The following SURF2 variants were observed in gnomAD, a reference collection of about 807,000 sequenced individuals.
The protein encoded by SURF2 is surfeit locus protein 2.
SURF2 carries 32 observed loss-of-function variants against 26.2 expected under a neutral mutation model. That is an observed-to-expected ratio of 1.22 (90% CI 0.92 to 1.64). The LOEUF is 1.64. Ranked by LOEUF, SURF2 falls within the 40% of genes most tolerant of loss-of-function variation. The pLI, the probability that SURF2 is intolerant of heterozygous loss-of-function variation, is 0.00. For missense variants in SURF2, 415 were observed against 341.6 expected (o/e 1.21, Z -1.69); for synonymous variants, 173 against 139.1 (o/e 1.24, Z -1.71).
Position 133,357,714 on chromosome 9 carries a change from C to A in SURF2, c.237C>A (p.His79Gln), listed in dbSNP as rs782199749. The A allele has an allele frequency of 1.9e-6, 3 of 1,613,786 alleles. No individual in the cohort carries two copies. The highest frequency in any genetic ancestry group is 1.7e-5 in the Admixed American group (1 of 60,024). Residue 79 changes from histidine (H) to glutamine (Q), a missense_variant, in exon 3 of 6, where the codon CAC (histidine) becomes CAA (glutamine). Coordinates refer to ENST00000371964, the MANE Select transcript of SURF2 (RefSeq NM_017503.5). ...ATTTGGTCTCTCTGCTCTGTAGGCA[C>A]CAGTTGTTCTGCAAACTCACCCTGC... Reference protein sequence around the residue: ...PHIVPSTKNPHQLFCKLTLRH... With the variant: ...PHIVPSTKNPQQLFCKLTLRH...
At chr9:133,356,752 G>C (rs1836608405) in intron 1 of SURF2, 82 bp downstream of exon 1, 1 of 1,405,290 alleles carries the variant, frequency 7.1e-7, no homozygotes, top group Admixed American at 2.5e-5. Flanking sequence ...GGGGAGAGGA[G>C]AGGGCAGGGG....
At position 133,360,432 on chromosome 9, in the gene SURF2, A is replaced by G. The variant is rs1025016473; in HGVS notation, c.685A>G (p.Lys229Glu). Residue 229 changes from lysine (K) to glutamate (E), a missense_variant and splice_region_variant, in exon 5 of 6, where the codon AAG becomes GAG. By Grantham distance (56) the Lys-to-Glu change is moderately conservative. Transcript: ENST00000371964. ...CCGAGGGCTGGTCCAGAAGCGCGGG[A>G]AGGTGAGCTGTCACCTCCTCTGTTA... ...VYRGLVQKRG[K>E]KQLGSLKKKF... 5 of 1,605,050 alleles carry G rather than the reference A, an allele frequency of 3.1e-6. No individual in the cohort carries two copies. Among genetic ancestry groups the G allele is most frequent in the Non-Finnish European group, 4.2e-6 (5 of 1,178,118 alleles).
chr9:133,361,125 A>G lies in SURF2; in HGVS notation c.757A>G (p.Lys253Glu), dbSNP rs142772320. ...HRKPKSFSSC[K>E]QPG ...CAAACCCAAGAGCTTCAGCTCCTGT[A>G]AACAGCCAGGTTAATAAAAGCACAT... Residue 253 changes from lysine to glutamate, a missense_variant, in exon 6 of 6, where the codon AAA becomes GAA. By Grantham distance (56) the Lys-to-Glu change is moderately conservative. Coordinates refer to ENST00000371964, the MANE Select transcript of SURF2 (RefSeq NM_017503.5). 9 of 1,614,078 alleles carry G rather than the reference A, an allele frequency of 5.6e-6. No homozygotes were observed. The African/African-American group carries it at 6.7e-5, about 12-fold the overall frequency.
intron 2 of SURF2, chr9:133,357,280 G>A (rs1191496600): frequency 3.6e-6 from 2 of 562,726 alleles, no homozygotes; most frequent in South Asian, 2.7e-5. Context: ...GGGTGTGGCT[G>A]CTTCCCAGAT....
chr9:133,356,811 G>A lies in SURF2; in HGVS notation c.79-103G>A, dbSNP rs2130030455. 1.8e-4 allele frequency: 252 copies of A among 1,433,666 alleles called. 1 individual carries two copies. The highest frequency in any genetic ancestry group is 2.2e-4 in the Non-Finnish European group (244 of 1,086,912). The allele number at this position is 1,433,666 out of a possible 1,614,324, so 88.8% of individuals were successfully genotyped here. A position where few individuals can be genotyped will look rare whatever the true frequency, so the allele number is the denominator to read the frequency against. On this transcript the variant is annotated intron_variant, in intron 1 of 5. Transcript: ENST00000371964. ...GAGAGGGGAGGGCAGGGGAGAGGGC[G>A]CGGCGGGATCAGGGGAGGAGAGGGA...
In SURF2 at chr9:133,356,616, G is replaced by A; in HGVS notation, c.24G>A (p.Val8=). 1 of 1,525,842 alleles carries A rather than the reference G, an allele frequency of 6.6e-7. No individual in the cohort carries two copies. The allele number at this position is 1,525,842 out of a possible 1,614,324, so 94.5% of individuals were successfully genotyped here. Residue 8 remains valine (V), a synonymous_variant, in exon 1 of 6, where the codon GTG becomes GTA. Coordinates refer to ENST00000371964, the MANE Select transcript of SURF2 (RefSeq NM_017503.5). MSELPGD[V]RAFLREHPSL... Reference sequence around the variant, plus strand: ...CCATGAGCGAGTTGCCGGGCGACGTGCGGGCGTTTCTGCGGGAGCACCCGA... The same window carrying A: ...CCATGAGCGAGTTGCCGGGCGACGTACGGGCGTTTCTGCGGGAGCACCCGA...
Position 133,360,142 on chromosome 9 carries a change from G to A in SURF2, c.517+13G>A. ...GACCTGTACCCACGTAAGCAGAACA[G>A]GCCCTGCTTCTCCCTGACCCTCTAC... On this transcript the variant is annotated intron_variant, in intron 4 of 5. Transcript: ENST00000371964. 3 of 1,594,134 alleles carry A rather than the reference G, an allele frequency of 1.9e-6. No individual in the cohort carries two copies. Among genetic ancestry groups the A allele is most frequent in the Non-Finnish European group, 8.6e-7 (1 of 1,168,060 alleles).
intron 3 of SURF2, among the ~76,000 whole-genome samples, chr9:133,359,303 G>A (rs1251459588): frequency 6.6e-6 from 1 of 152,158 alleles, no homozygotes; most frequent in Non-Finnish European, 1.5e-5. Flanking sequence ...CTGGAGATGG[G>A]CCGCCACATC....
At chr9:133,359,449 A>G (rs2130042212) in intron 3 of SURF2, among the ~76,000 whole-genome samples, 1 of 152,196 alleles carries the variant, frequency 6.6e-6, no homozygotes, top group Non-Finnish European at 1.5e-5. Flanking sequence ...AGGTCTTTCC[A>G]TGGAAGCCTT....
At chr9:133,360,242 G>T in intron 4 of SURF2, 23 bp from the exon 5 acceptor site, 9 of 1,610,708 alleles carry the variant, frequency 5.6e-6, no homozygotes, top group Non-Finnish European at 7.6e-6. Context: ...ATAACTGTCA[G>T]CCAATCCCTG....
rs2130028706 is a variant in SURF2, at chr9:133,356,608, G to C, written c.16G>C (p.Gly6Arg). The C allele has an allele frequency of 1.3e-6, 2 of 1,524,784 alleles. No homozygotes were observed. Among genetic ancestry groups the C allele is most frequent in the Admixed American group, 4.0e-5 (2 of 50,328 alleles). 94.5% of individuals were successfully genotyped at this position (1,524,784 alleles called of 1,614,324 possible). A position where few individuals can be genotyped will look rare whatever the true frequency, so the allele number is the denominator to read the frequency against. MSELPGDVRAFLREHP... is the reference protein window; with the variant it reads MSELPRDVRAFLREHP... Reference sequence around the variant, plus strand: ...CGCGTCGGCCATGAGCGAGTTGCCGGGCGACGTGCGGGCGTTTCTGCGGGA... The same window carrying C: ...CGCGTCGGCCATGAGCGAGTTGCCGCGCGACGTGCGGGCGTTTCTGCGGGA... The change falls in exon 1 of 6, where the codon GGC becomes CGC. Residue 6 changes from glycine (G) to arginine (R), a missense_variant. Gly to Arg is a moderately radical substitution (Grantham distance 125). Transcript: ENST00000371964.
At chr9:133,357,901 G>A in intron 3 of SURF2, 87 bp downstream of exon 3, 7 of 1,302,640 alleles carry the variant, frequency 5.4e-6, no homozygotes, top group Admixed American at 1.9e-5. Context: ...AAGGCAGGTC[G>A]TCCTTCAGCG....
At chr9:133,360,570 G>T (rs931887322) in intron 5 of SURF2, 136 bp downstream of exon 5, 2 of 1,167,564 alleles carry the variant, frequency 1.7e-6, no homozygotes, top group African/African-American at 1.6e-5. Flanking sequence ...CATAGAAGCC[G>T]AGGCCGCTGG....
chr9:133,359,097 C>T (rs2130041298), intron 3 of SURF2, among the ~76,000 whole-genome samples: 34 of 152,266 alleles, frequency 2.2e-4, no homozygotes, highest in African/African-American at 5.8e-4. Context: ...CAGGGGGCCA[C>T]GGGGTTCCCA....
chr9:133,356,757 CAGGGGAG>C lies in SURF2; in HGVS notation c.78+104_78+110del, dbSNP rs2130030062. On this transcript the variant is annotated intron_variant, in intron 1 of 5. Transcript: ENST00000371964. Reference sequence around the variant, plus strand: ...GGGGAGGGCAGGGGAGAGGAGAGGGCAGGGGAGAGGGGAGAGGGGAGAGCAGGAGAGA... The same window carrying C: ...GGGGAGGGCAGGGGAGAGGAGAGGGCAGGGGAGAGGGGAGAGCAGGAGAGA... 0.027 allele frequency: 36,812 copies of C among 1,339,896 alleles called. 705 individuals carry two copies. The highest frequency in any genetic ancestry group is 0.03 in the African/African-American group (1,872 of 63,158). 83.0% of individuals were successfully genotyped at this position (1,339,896 alleles called of 1,614,324 possible). A position where few individuals can be genotyped will look rare whatever the true frequency, so the allele number is the denominator to read the frequency against.
chr9:133,359,532 C>T (rs2130042583), intron 3 of SURF2, among the ~76,000 whole-genome samples: 52 of 152,366 alleles, frequency 3.4e-4, no homozygotes, highest in African/African-American at 8.7e-4. Context: ...CCCCGCCCTC[C>T]GGGACGGGGT....
In SURF2 at chr9:133,359,983, T is replaced by C; in HGVS notation, c.371T>C (p.Val124Ala). ...EECQKQGVEY[V>A]PACLVHRRRR... ...TGTCAGAAGCAAGGGGTGGAGTACG[T>C]GCCTGCCTGCCTGGTGCACCGGAGG... Residue 124 changes from valine (V) to alanine (A), a missense_variant, in exon 4 of 6, where the codon GTG becomes GCG. Val to Ala is a moderately conservative substitution (Grantham distance 64, BLOSUM62 0). Coordinates refer to ENST00000371964, the MANE Select transcript of SURF2 (RefSeq NM_017503.5). 1 of 1,612,916 alleles carries C rather than the reference T, an allele frequency of 6.2e-7. No individual in the cohort carries two copies. The highest frequency in any genetic ancestry group is 8.5e-7 in the Non-Finnish European group (1 of 1,179,338).
At position 133,357,016 on chromosome 9, in the gene SURF2, G is replaced by T; in HGVS notation, c.181G>T (p.Ala61Ser). Residue 61 changes from alanine (A) to serine (S), a missense_variant, in exon 2 of 6, where the codon GCC becomes TCC. Coordinates refer to ENST00000371964, the MANE Select transcript of SURF2 (RefSeq NM_017503.5). ...KYQRLVRASP[A>S]FDYAEFEPHI... ...CCAGCGGCTGGTCCGCGCCTCCCCG[G>T]CCTTCGACTATGCAGAGTTCGAGCC... The T allele has an allele frequency of 6.4e-7, 1 of 1,572,998 alleles. No homozygotes were observed. The highest frequency in any genetic ancestry group is 8.6e-7 in the Non-Finnish European group (1 of 1,160,624).
In SURF2 at chr9:133,360,433, AG is replaced by A. The variant is rs2130051908; in HGVS notation, c.687+1del. The A allele has an allele frequency of 8.7e-6, 14 of 1,604,482 alleles. No individual in the cohort carries two copies. In the East Asian group the frequency reaches 1.1e-4, roughly 13 times the overall value. The part of the protein sequence containing the change: ...VYRGLVQKRG[K>X]KQLGSLKKKF... ...CGAGGGCTGGTCCAGAAGCGCGGGA[AG>A]GTGAGCTGTCACCTCCTCTGTTAGT... On this transcript the variant is annotated frameshift_variant and splice_region_variant, in exon 5 of 6. Transcript: ENST00000371964. LOFTEE classifies it low-confidence loss of function (END_TRUNC).
Sources: gnomAD v4.1 joint callset for allele counts (sites outside exome capture counted in the v4.1 genomes callset) on GRCh38, gnomAD v4.1.1 for gene constraint, MANE v1.5 for transcripts, NCBI Gene and HGNC (gene_info 2026-07-23, HGNC 2026-07-21) for gene names.